The following CLDN16 variants were observed in gnomAD, a reference collection of about 807,000 sequenced individuals.
CLDN16 encodes claudin 16, also known as claudin-16.
A neutral mutation model predicts 24.6 loss-of-function variants in CLDN16; 13 were observed. The observed-to-expected ratio is 0.53, with a 90% CI of 0.34 to 0.84. The LOEUF (loss-of-function observed/expected upper bound fraction) is 0.84. Ranked by LOEUF, CLDN16 falls within the 40% of genes least tolerant of loss-of-function variation. The probability of loss-of-function intolerance (pLI) is 0.01; values close to 1 mark genes in which losing one functional copy is unlikely to be tolerated. For synonymous variants in CLDN16, 116 were observed against 106.7 expected, an observed-to-expected ratio of 1.09 and a Z score of -0.54; for missense variants, 298 against 292.7, an observed-to-expected ratio of 1.02 and a Z score of -0.13.
chr3:190,407,731 T>G (rs561917456), intron 3 of CLDN16, among the ~76,000 whole-genome samples: 2 of 152,306 alleles, frequency 1.3e-5, no homozygotes, highest in South Asian at 4.1e-4. Context: ...AAGATTTATT[T>G]GAAAATAAAA....
intron 3 of CLDN16, among the ~76,000 whole-genome samples, chr3:190,406,344 T>G: frequency 6.6e-6 from 1 of 152,228 alleles, no homozygotes; most frequent in East Asian, 1.9e-4. Context: ...AGCATAGAAC[T>G]TTTTAATATA....
chr3:190,300,108 G>T, the CLDN16 span, among the ~76,000 whole-genome samples: 1 of 152,062 alleles, frequency 6.6e-6, no homozygotes, highest in Admixed American at 6.5e-5. Flanking sequence ...GTGACATTCA[G>T]GAGGTATGCT....
chr3:190,308,228 T>G, the CLDN16 span: 2 of 1,601,850 alleles, frequency 1.2e-6, no homozygotes, highest in East Asian at 4.5e-5. Context: ...AGTATCTCAA[T>G]GTCCATTTTC....
At chr3:190,291,118 C>A in the CLDN16 span, among the ~76,000 whole-genome samples, 3 of 152,080 alleles carry the variant, frequency 2.0e-5, no homozygotes, top group Non-Finnish European at 2.9e-5. Flanking sequence ...ACAATCTAGG[C>A]AGAGGGTACA....
rs10563626 is a variant in CLDN16, at chr3:190,350,344, T to TTATATATATATATATATATATATATA, written n.122-20527_122-20526insTATATATATATATATATATATATATA. 1.6e-3 allele frequency among the ~76,000 whole-genome samples: 229 copies of TTATATATATATATATATATATATATA among 141,996 alleles called. 3 individuals carry two copies. The highest frequency in any genetic ancestry group is 2.5e-3 in the Non-Finnish European group (164 of 64,584). 93.2% of individuals were successfully genotyped at this position (141,996 alleles called of 152,430 possible). A position where few individuals can be genotyped will look rare whatever the true frequency, so the allele number is the denominator to read the frequency against. ...AGTTTAAGAATCATAGTTCATAATG[T>TTATATATATATATATATATATATATA]TATATATATATATATATATATACTT... On this transcript the variant is annotated intron_variant and non_coding_transcript_variant, in intron 1 of 4. Transcript: ENST00000468220.
chr3:190,350,532 A>C lies in CLDN16; in HGVS notation n.122-20361A>C, dbSNP rs530980222. ...CGATACCAAAATCAAGAGAACATGC[A>C]AAGGTCATGAAAAATATCACAGGTA... On this transcript the variant is annotated intron_variant and non_coding_transcript_variant, in intron 1 of 4. Transcript: ENST00000468220. Among the ~76,000 whole-genome samples, 27 of 152,276 alleles carry C rather than the reference A, an allele frequency of 1.8e-4. 1 individual carries two copies. The highest frequency in any genetic ancestry group is 6.3e-4 in the African/African-American group (26 of 41,570).
At chr3:190,305,589 G>C in the CLDN16 span, 96 of 152,226 alleles carry the variant, frequency 6.3e-4, 1 homozygote, top group African/African-American at 2.2e-3. Flanking sequence ...TGATAGATGG[G>C]CCAGAGGCAT....
At chr3:190,345,985 C>A (rs533701924) in intron 1 of CLDN16, among the ~76,000 whole-genome samples, 1 of 152,072 alleles carries the variant, frequency 6.6e-6, no homozygotes, top group East Asian at 1.9e-4. Context: ...TAACAAGACT[C>A]TTGTAACCAG....
chr3:190,335,481 G>A (rs192204061), intron 1 of CLDN16, among the ~76,000 whole-genome samples: 191 of 152,144 alleles, frequency 1.3e-3, no homozygotes, highest in African/African-American at 4.5e-3. Flanking sequence ...TTGAGAGGCC[G>A]AAACGGGTGG....
At chr3:190,363,759 A>T (rs2108643147) in intron 1 of CLDN16, among the ~76,000 whole-genome samples, 1 of 151,226 alleles carries the variant, frequency 6.6e-6, no homozygotes, top group East Asian at 2.0e-4. Context: ...GTTTTCTCTG[A>T]TGGATCCCAC....
intron 1 of CLDN16, among the ~76,000 whole-genome samples, chr3:190,340,534 T>A (rs1022476485): frequency 2.0e-5 from 3 of 152,122 alleles, no homozygotes; most frequent in South Asian, 2.1e-4. Context: ...ATGATTCAAT[T>A]ACCTGCTACC....
chr3:190,301,059 T>C, the CLDN16 span, among the ~76,000 whole-genome samples: 3 of 152,258 alleles, frequency 2.0e-5, no homozygotes, highest in African/African-American at 7.2e-5. Flanking sequence ...GGGCATATTT[T>C]CAACTTGACT....
intron 1 of CLDN16, among the ~76,000 whole-genome samples, chr3:190,341,549 T>G (rs566922782): frequency 0.039 from 5,948 of 152,050 alleles, 387 homozygotes; most frequent in African/African-American, 0.13. Context: ...CTAAACAATT[T>G]TTTTCCTCCT....
intron 1 of CLDN16, among the ~76,000 whole-genome samples, chr3:190,356,611 C>G (rs148062404): frequency 6.6e-6 from 1 of 151,914 alleles, no homozygotes; most frequent in East Asian, 1.9e-4. Context: ...AAATAATTTA[C>G]TTTGTAATAA....
intron 1 of CLDN16, among the ~76,000 whole-genome samples, chr3:190,389,108 T>A (rs1718584417): frequency 6.6e-6 from 1 of 152,174 alleles, no homozygotes; most frequent in African/African-American, 2.4e-5. Flanking sequence ...GGGTTCACAT[T>A]TGAGGATTTT....
At chr3:190,326,994 T>C (rs1399038297) in intron 1 of CLDN16, among the ~76,000 whole-genome samples, 1 of 152,188 alleles carries the variant, frequency 6.6e-6, no homozygotes, top group Non-Finnish European at 1.5e-5. Context: ...ACTAGCTTTA[T>C]TAGTGGGAGT....
the CLDN16 span, among the ~76,000 whole-genome samples, chr3:190,302,031 T>A: frequency 6.6e-6 from 1 of 152,254 alleles, no homozygotes; most frequent in Non-Finnish European, 1.5e-5. Context: ...CATTTTAAAA[T>A]ACTATCTTCC....
intron 1 of CLDN16, among the ~76,000 whole-genome samples, chr3:190,358,448 G>A (rs574505306): frequency 2.6e-4 from 39 of 151,942 alleles, no homozygotes; most frequent in South Asian, 1.2e-3. Context: ...AATCAGACTC[G>A]TCCCTCCTGA....
At chr3:190,299,310 A>G in the CLDN16 span, among the ~76,000 whole-genome samples, 1 of 151,920 alleles carries the variant, frequency 6.6e-6, no homozygotes, top group Admixed American at 6.6e-5. Flanking sequence ...TAATTGATCT[A>G]TTGGTTTTTA....
Sources: gnomAD v4.1 joint callset for allele counts (sites outside exome capture counted in the v4.1 genomes callset) on GRCh38, gnomAD v4.1.1 for gene constraint, MANE v1.5 for transcripts, NCBI Gene and HGNC (gene_info 2026-07-23, HGNC 2026-07-21) for gene names.